Variants in C1orf185 observed in about 807,000 individuals in gnomAD.
C1orf185 encodes the protein uncharacterized protein C1orf185.
A neutral mutation model predicts 16.1 loss-of-function variants in C1orf185; 13 were observed. That is an observed-to-expected ratio of 0.81 (90% CI 0.53 to 1.28). C1orf185 has a LOEUF of 1.28. C1orf185 is among the 50% of genes most tolerant of loss of function. The pLI is 0.00. For missense variants in C1orf185, 220 were observed against 225.2 expected, an observed-to-expected ratio of 0.98 and a Z score of 0.15; for synonymous variants, 80 against 76.9, an observed-to-expected ratio of 1.04 and a Z score of -0.21.
chr1:51,108,079 A>G (rs1171651785), intron 1 of C1orf185, among the ~76,000 whole-genome samples: 11 of 152,200 alleles, frequency 7.2e-5, no homozygotes, highest in Non-Finnish European at 1.5e-5. Flanking sequence ...AGTTTTTTAA[A>G]GTATTTTACC....
chr1:51,148,366 A>G (rs981332736), downstream of C1orf185, among the ~76,000 whole-genome samples: 2 of 151,854 alleles, frequency 1.3e-5, no homozygotes, highest in African/African-American at 4.8e-5. Context: ...CAAGTGATTC[A>G]CCCGCCTTGG....
chr1:51,119,983 CA>C (rs1157341622), intron 3 of C1orf185, among the ~76,000 whole-genome samples: 4 of 151,584 alleles, frequency 2.6e-5, no homozygotes, highest in Non-Finnish European at 4.4e-5. Flanking sequence ...GAAGTGCAGA[CA>C]AAAAAGGCTG....
At chr1:51,136,791 A>T (rs551594908) in intron 3 of C1orf185, among the ~76,000 whole-genome samples, 92 of 152,256 alleles carry the variant, frequency 6.0e-4, no homozygotes, top group African/African-American at 2.1e-3. Flanking sequence ...ATAAAACCCA[A>T]ATGTATAAAA....
intron 3 of C1orf185, among the ~76,000 whole-genome samples, chr1:51,124,905 G>A (rs1468293495): frequency 6.6e-6 from 1 of 152,190 alleles, no homozygotes; most frequent in African/African-American, 2.4e-5. Flanking sequence ...AGTCCTGCTG[G>A]CTTCCTAACC....
At chr1:51,126,068 T>C (rs562497234) in intron 3 of C1orf185, among the ~76,000 whole-genome samples, 1 of 152,260 alleles carries the variant, frequency 6.6e-6, no homozygotes, top group African/African-American at 2.4e-5. Context: ...GTTACTTAGG[T>C]TCTGCACGTG....
intron 3 of C1orf185, among the ~76,000 whole-genome samples, chr1:51,128,420 A>G (rs924321908): frequency 6.6e-6 from 1 of 152,176 alleles, no homozygotes; most frequent in Non-Finnish European, 1.5e-5. Flanking sequence ...AGCCAGGCAC[A>G]GTGGCTCACT....
intron 2 of C1orf185, among the ~76,000 whole-genome samples, chr1:51,113,070 C>T (rs1367744716): frequency 1.3e-5 from 2 of 151,796 alleles, no homozygotes; most frequent in African/African-American, 2.4e-5. Context: ...CCGCCCGCCT[C>T]GGCCTCCCAA....
At chr1:51,118,572 T>A in intron 2 of C1orf185, 94 bp from the exon 3 acceptor site, 1 of 806,744 alleles carries the variant, frequency 1.2e-6, no homozygotes, top group Non-Finnish European at 1.7e-6. Flanking sequence ...TATTCTGATT[T>A]TAAAGCTTTA....
At chr1:51,133,382 T>C (rs1046204232) in intron 3 of C1orf185, among the ~76,000 whole-genome samples, 2 of 151,590 alleles carry the variant, frequency 1.3e-5, no homozygotes, top group African/African-American at 4.9e-5. Flanking sequence ...AAATGGAAAA[T>C]AGAAAAAGCA....
At chr1:51,107,496 T>C (rs1446423511) in intron 1 of C1orf185, among the ~76,000 whole-genome samples, 3 of 152,242 alleles carry the variant, frequency 2.0e-5, no homozygotes, top group Non-Finnish European at 4.4e-5. Context: ...AATAGTATTA[T>C]TTTATGTTTT....
At chr1:51,103,972 C>T (rs978106849) in intron 1 of C1orf185, among the ~76,000 whole-genome samples, 3 of 152,166 alleles carry the variant, frequency 2.0e-5, no homozygotes, top group African/African-American at 7.2e-5. Context: ...GTTCACAGAT[C>T]CAGTTAGGCT....
chr1:51,118,279 A>G (rs1202887794), intron 2 of C1orf185, among the ~76,000 whole-genome samples: 1 of 152,222 alleles, frequency 6.6e-6, no homozygotes, highest in Non-Finnish European at 1.5e-5. Flanking sequence ...GTTGCATTTT[A>G]TTTAATTTCC....
intron 3 of C1orf185, among the ~76,000 whole-genome samples, chr1:51,129,105 A>T (rs1413247481): frequency 1.3e-5 from 2 of 151,904 alleles, no homozygotes; most frequent in Non-Finnish European, 2.9e-5. Flanking sequence ...GGCTGGTCTC[A>T]AACTCCTGAC....
Position 51,133,500 on chromosome 1 carries a change from A to T in C1orf185, c.259-12224A>T, listed in dbSNP as rs765364848. ...GTAAAGAGTTCAATTTAAGAAGAAG[A>T]TCTAACTATTCTAAATATCTATGCA... On this transcript the variant is annotated intron_variant, in intron 3 of 4. Transcript: ENST00000371759. Among the ~76,000 whole-genome samples the T allele has an allele frequency of 2.6e-5, 4 of 152,334 alleles. No homozygotes were observed. In the East Asian group the frequency reaches 7.7e-4, roughly 29 times the overall value.
chr1:51,133,884 C>T (rs1158507426), intron 3 of C1orf185, among the ~76,000 whole-genome samples: 2 of 152,168 alleles, frequency 1.3e-5, no homozygotes, highest in African/African-American at 4.8e-5. Flanking sequence ...CAGTTTGAGA[C>T]CAGCCTGGCC....
intron 3 of C1orf185, among the ~76,000 whole-genome samples, chr1:51,137,227 G>A (rs747020996): frequency 1.3e-5 from 2 of 152,048 alleles, no homozygotes; most frequent in Non-Finnish European, 2.9e-5. Context: ...TCACCAGTCA[G>A]AATGGCTGTT....
At chr1:51,123,048 C>G (rs773963084) in intron 3 of C1orf185, among the ~76,000 whole-genome samples, 2 of 152,134 alleles carry the variant, frequency 1.3e-5, no homozygotes, top group African/African-American at 2.4e-5. Flanking sequence ...AGGAGGGGCA[C>G]ATCTGGTGAA....
chr1:51,144,379 C>T (rs1646385750), intron 3 of C1orf185, among the ~76,000 whole-genome samples: 1 of 152,188 alleles, frequency 6.6e-6, no homozygotes, highest in South Asian at 2.1e-4. Flanking sequence ...GAAGCCCATA[C>T]TGGCATTTGT....
chr1:51,138,002 G>GA (rs1451503853), intron 3 of C1orf185, among the ~76,000 whole-genome samples: 1 of 152,150 alleles, frequency 6.6e-6, no homozygotes, highest in Non-Finnish European at 1.5e-5. Context: ...GCCAAATGTT[G>GA]AAAACACATG....
Sources: gnomAD v4.1 joint callset for allele counts (sites outside exome capture counted in the v4.1 genomes callset) on GRCh38, gnomAD v4.1.1 for gene constraint, MANE v1.5 for transcripts, NCBI Gene and HGNC (gene_info 2026-07-23, HGNC 2026-07-21) for gene names.